EPYC: variants seen among roughly 807,000 people sequenced by gnomAD.
EPYC encodes the protein dermatan sulfate proteoglycan 3.
In EPYC, 28 loss-of-function variants were observed where a neutral mutation model predicts 30.1. That is an observed-to-expected ratio of 0.93 (90% CI 0.69 to 1.28). The LOEUF (loss-of-function observed/expected upper bound fraction) is 1.28, where lower values mean the gene tolerates loss of function less well. Among genes scored for constraint, EPYC ranks in the 50% most tolerant of loss-of-function variants. The pLI, the probability that EPYC is intolerant of heterozygous loss-of-function variation, is 0.00. For missense variants in EPYC, 382 were observed against 383.5 expected (o/e 1.00, Z 0.03); for synonymous variants, 144 against 141.4 (o/e 1.02, Z -0.13).
intron 2 of EPYC, among the ~76,000 whole-genome samples, chr12:91,000,574 T>C (rs1392520353): frequency 2.0e-5 from 3 of 151,982 alleles, no homozygotes; most frequent in Non-Finnish European, 4.4e-5. Flanking sequence ...AGAGAAGCCA[T>C]GATCCCAAAC....
rs116865618 is a variant in EPYC at position 90,994,024 on chromosome 12, C to G, written c.165+8377G>C. On this transcript the variant is annotated intron_variant, in intron 2 of 6. Coordinates refer to ENST00000261172, the MANE Select transcript of EPYC (RefSeq NM_004950.5). The stretch of plus-strand genomic sequence containing the variant: ...CATTCCAATAGATAGCTACAGATCT[C>G]GTATACATATATCTTATATGTGTCT... Among the ~76,000 whole-genome samples the G allele has an allele frequency of 9.1e-3, 1,388 of 152,134 alleles. 8 individuals are homozygous for G. The highest frequency in any genetic ancestry group is 0.013 in the Non-Finnish European group (885 of 67,996).
intron 2 of EPYC, among the ~76,000 whole-genome samples, chr12:90,978,955 C>T (rs1456706975): frequency 6.6e-6 from 1 of 151,982 alleles, no homozygotes; most frequent in Non-Finnish European, 1.5e-5. Flanking sequence ...AAATGGACTT[C>T]TTTGAGAACG....
chr12:90,997,707 A>T (rs1217264988), intron 2 of EPYC, among the ~76,000 whole-genome samples: 1 of 152,086 alleles, frequency 6.6e-6, no homozygotes, highest in Non-Finnish European at 1.5e-5. Context: ...ATAGCCCAGA[A>T]CTTAGATATA....
chr12:90,993,881 TG>T (rs1877641920), intron 2 of EPYC, among the ~76,000 whole-genome samples: 1 of 152,116 alleles, frequency 6.6e-6, no homozygotes, highest in Admixed American at 6.6e-5. Flanking sequence ...GAAAAGGTGA[TG>T]GATAAATGAG....
chr12:90,971,098 A>G (rs1277843001), intron 5 of EPYC, among the ~76,000 whole-genome samples: 1 of 152,130 alleles, frequency 6.6e-6, no homozygotes, highest in Non-Finnish European at 1.5e-5. Flanking sequence ...GACACTGCCC[A>G]TTCCCTGCCA....
intron 1 of EPYC, among the ~76,000 whole-genome samples, chr12:91,003,527 ATAATT>A (rs1201473615): frequency 2.0e-5 from 3 of 152,034 alleles, no homozygotes; most frequent in African/African-American, 7.2e-5. Flanking sequence ...TCAAGATCCT[ATAATT>A]TAATTATTTT....
At chr12:90,967,211 T>C (rs1876921612) in intron 6 of EPYC, among the ~76,000 whole-genome samples, 1 of 152,068 alleles carries the variant, frequency 6.6e-6, no homozygotes, top group Non-Finnish European at 1.5e-5. Flanking sequence ...AGATTTGAGA[T>C]CTTCTTTTTT....
At chr12:90,996,435 G>A (rs1341254987) in intron 2 of EPYC, among the ~76,000 whole-genome samples, 1 of 151,544 alleles carries the variant, frequency 6.6e-6, no homozygotes, top group Admixed American at 6.6e-5. Context: ...TTTATTATAG[G>A]AGTATATTGC....
intron 6 of EPYC, among the ~76,000 whole-genome samples, chr12:90,965,439 T>A (rs1876870092): frequency 6.6e-6 from 1 of 152,156 alleles, no homozygotes. Context: ...TCAGACCGTT[T>A]TCCAAAGTAG....
At position 91,002,309 on chromosome 12, in the gene EPYC, A is replaced by T. The variant is rs1352493162; in HGVS notation, c.165+92T>A. 3.6e-6 allele frequency: 4 copies of T among 1,110,030 alleles called. No individual in the cohort carries two copies. In the African/African-American group the frequency reaches 4.8e-5, roughly 13 times the overall value. 68.8% of individuals were successfully genotyped at this position (1,110,030 alleles called of 1,614,324 possible). ...ATTAACATAAAATCTTTCTACTTATAAAAAAACCCAAACATCTATTTGAGG... is the reference window on the plus strand; with the variant it reads ...ATTAACATAAAATCTTTCTACTTATTAAAAAACCCAAACATCTATTTGAGG... On this transcript the variant is annotated intron_variant, in intron 2 of 6. Coordinates refer to ENST00000261172, the MANE Select transcript of EPYC (RefSeq NM_004950.5).
chr12:91,003,018 G>A (rs1390733529), intron 1 of EPYC, among the ~76,000 whole-genome samples: 1 of 152,092 alleles, frequency 6.6e-6, no homozygotes, highest in African/African-American at 2.4e-5. Context: ...AACTGAGGCA[G>A]AGTTGACTGG....
intron 2 of EPYC, among the ~76,000 whole-genome samples, chr12:90,995,364 G>T (rs1877673346): frequency 6.6e-6 from 1 of 151,976 alleles, no homozygotes. Context: ...GGAAATGTTT[G>T]TTTTTCTGAT....
intron 2 of EPYC, among the ~76,000 whole-genome samples, chr12:90,992,517 A>G (rs997871149): frequency 1.3e-5 from 2 of 152,194 alleles, no homozygotes; most frequent in Non-Finnish European, 2.9e-5. Context: ...CTGTCATATG[A>G]TAGAACACAT....
intron 5 of EPYC, 147 bp from the exon 6 acceptor site, chr12:90,970,286 G>A: frequency 1.6e-6 from 1 of 614,886 alleles, no homozygotes; most frequent in Non-Finnish European, 2.8e-6. Flanking sequence ...TTGTAAAGTT[G>A]AGGCAGCTTA....
chr12:90,978,265 G>T lies in EPYC; in HGVS notation c.166-3C>A. Reference sequence around the variant, plus strand: ...GGCATCACTGTGGCTATTTCAATCTGAAAAAAAAAAAAAAAAGAGAATTTC... The same window carrying T: ...GGCATCACTGTGGCTATTTCAATCTTAAAAAAAAAAAAAAAAGAGAATTTC... On this transcript the variant is annotated splice_region_variant and splice_polypyrimidine_tract_variant and intron_variant, in intron 2 of 6. Coordinates refer to ENST00000261172, the MANE Select transcript of EPYC (RefSeq NM_004950.5). 1 of 1,357,286 alleles carries T rather than the reference G, an allele frequency of 7.4e-7. No individual in the cohort carries two copies. The highest frequency in any genetic ancestry group is 9.8e-7 in the Non-Finnish European group (1 of 1,021,324). 84.1% of individuals were successfully genotyped at this position (1,357,286 alleles called of 1,614,324 possible).
In EPYC at chr12:90,963,903, A is replaced by G; in HGVS notation, c.*253T>C. 1 of 293,136 alleles carries G rather than the reference A, an allele frequency of 3.4e-6. No homozygotes were observed. Among genetic ancestry groups the G allele is most frequent in the Admixed American group, 4.7e-5 (1 of 21,190 alleles). 18.2% of individuals were successfully genotyped at this position (293,136 alleles called of 1,614,324 possible). On this transcript the variant is annotated 3_prime_UTR_variant, in exon 7 of 7. Coordinates refer to ENST00000261172, the MANE Select transcript of EPYC (RefSeq NM_004950.5). ...AAAACTTGCAAGTGATACATGATCT[A>G]TAAGAACATGTGTGAAATATTTTCT...
intron 5 of EPYC, among the ~76,000 whole-genome samples, chr12:90,970,784 A>G (rs1396940619): frequency 6.6e-6 from 1 of 152,222 alleles, no homozygotes; most frequent in East Asian, 1.9e-4. Flanking sequence ...GCAGAGAGAC[A>G]GGGCATTTGC....
In EPYC at chr12:90,964,294, C is replaced by T. The variant is rs538930384; in HGVS notation, c.831G>A (p.Thr277=). The T allele has an allele frequency of 9.3e-5, 149 of 1,609,544 alleles. No homozygotes were observed. The highest frequency in any genetic ancestry group is 2.5e-4 in the South Asian group (23 of 90,412). The change falls in exon 7 of 7, where the codon ACG becomes ACA. Residue 277 remains threonine, a synonymous_variant. Coordinates refer to ENST00000261172, the MANE Select transcript of EPYC (RefSeq NM_004950.5). ...AAGTCAAATTTTTAACATTGCAGAACGTATCTTCGTGCATTTCCAGAATGT... is the reference window on the plus strand; with the variant it reads ...AAGTCAAATTTTTAACATTGCAGAATGTATCTTCGTGCATTTCCAGAATGT... ...NNNILEMHED[T]FCNVKNLTYI...
intron 2 of EPYC, among the ~76,000 whole-genome samples, chr12:91,002,008 G>A (rs1480295114): frequency 6.6e-6 from 1 of 151,852 alleles, no homozygotes; most frequent in East Asian, 1.9e-4. Context: ...CCAACATGGT[G>A]AAATCCCATC....
Sources: gnomAD v4.1 joint callset for allele counts (sites outside exome capture counted in the v4.1 genomes callset) on GRCh38, gnomAD v4.1.1 for gene constraint, MANE v1.5 for transcripts, NCBI Gene and HGNC (gene_info 2026-07-23, HGNC 2026-07-21) for gene names.